COL6A6: variants seen among roughly 807,000 people sequenced by gnomAD.
COL6A6 encodes the protein collagen alpha-6(VI) chain.
Under a neutral mutation model 208.6 loss-of-function variants are expected in COL6A6, and 183 were observed. That is an observed-to-expected ratio of 0.88 (90% CI 0.78 to 0.99). The LOEUF is 0.99. COL6A6 is among the 50% of genes least tolerant of loss of function. COL6A6 has a pLI of 0.00. For synonymous variants in COL6A6, 973 were observed against 1,011.8 expected (o/e 0.96, Z 0.73); for missense variants, 2,816 against 2,815.2 (o/e 1.00, Z -0.01).
chr3:130,656,869 G>A (rs2065804493), intron 33 of COL6A6, among the ~76,000 whole-genome samples: 1 of 152,264 alleles, frequency 6.6e-6, no homozygotes, highest in African/African-American at 2.4e-5. Flanking sequence ...TGGCCGGGTT[G>A]CAACAGTGCC....
chr3:130,602,743 A>G (rs917879331), intron 20 of COL6A6, among the ~76,000 whole-genome samples: 1 of 152,240 alleles, frequency 6.6e-6, no homozygotes, highest in Non-Finnish European at 1.5e-5. Context: ...TTGCTTTTTA[A>G]TAAAACACTA....
chr3:130,556,281 G>A (rs184538902), intron 1 of COL6A6, among the ~76,000 whole-genome samples: 26 of 152,286 alleles, frequency 1.7e-4, no homozygotes, highest in Non-Finnish European at 3.5e-4. Flanking sequence ...ATCTTCATGA[G>A]TGAAATGGGC....
intron 11 of COL6A6, among the ~76,000 whole-genome samples, chr3:130,587,055 G>A (rs188894450): frequency 2.0e-5 from 3 of 152,252 alleles, no homozygotes; most frequent in South Asian, 2.1e-4. Flanking sequence ...ACAGCTTTCC[G>A]TACTGAGTGT....
chr3:130,667,980 T>TA (rs1254896690), intron 36 of COL6A6, among the ~76,000 whole-genome samples: 6 of 147,744 alleles, frequency 4.1e-5, no homozygotes, highest in African/African-American at 1.2e-4. Flanking sequence ...GAAAATAGGA[T>TA]AAAAAAACAA....
chr3:130,624,149 A>G (rs2064818222), intron 24 of COL6A6, among the ~76,000 whole-genome samples: 2 of 152,206 alleles, frequency 1.3e-5, no homozygotes, highest in Non-Finnish European at 2.9e-5. Context: ...TTAACTACTC[A>G]TACTGGCAAG....
At position 130,641,674 on chromosome 3, in the gene COL6A6, A is replaced by C. The variant is rs773487370; in HGVS notation, c.5114A>C (p.Glu1705Ala). The change falls in exon 29 of 37, where the codon GAG becomes GCG. Residue 1705 changes from glutamate (E) to alanine (A), a missense_variant. By Grantham distance (107) the Glu-to-Ala change is moderately radical. Transcript: ENST00000358511. ...GKMISAGLPG[E>A]MGSPGEPGPP... is the part of the protein sequence containing the mutation. ...GAGATATCTGCTGGGCTTCCAGGAG[A>C]GATGGGATCCCCTGGGGAACCAGGA... 1 of 1,599,520 alleles carries C rather than the reference A, an allele frequency of 6.3e-7. No individual in the cohort carries two copies.
chr3:130,588,287 C>T (rs932612587), intron 11 of COL6A6, among the ~76,000 whole-genome samples: 8 of 152,110 alleles, frequency 5.3e-5, no homozygotes, highest in African/African-American at 1.9e-4. Flanking sequence ...GGAAACTTCA[C>T]AATACAAAGA....
intron 25 of COL6A6, among the ~76,000 whole-genome samples, 178 bp from the exon 26 acceptor site, chr3:130,627,135 TCTGTTA>T (rs1408069597): frequency 6.6e-6 from 1 of 152,222 alleles, no homozygotes; most frequent in East Asian, 1.9e-4. Context: ...ATTGTCTGTA[TCTGTTA>T]CTAACAATTG....
At position 130,517,280 on chromosome 3, in the gene COL6A6, G is replaced by C. The variant is rs1710787074; in HGVS notation, c.-149G>C. 1.3e-5 allele frequency among the ~76,000 whole-genome samples: 2 copies of C among 152,188 alleles called. No homozygotes were observed. The stretch of plus-strand genomic sequence containing the variant: ...TCCACCGTCTCCCCGCGCGCCGCAG[G>C]CGGCACCAAACTCTGCGCTCCCCGC... On this transcript the variant is annotated 5_prime_UTR_variant, in exon 1 of 37. Coordinates refer to ENST00000358511, the MANE Select transcript of COL6A6 (RefSeq NM_001102608.3).
Position 130,658,700 on chromosome 3 carries a change from G to A in COL6A6, c.5758G>A (p.Val1920Ile). ...GATTGACGACACTGGCACATTTCAA[G>A]TAATAGTGGTTCCCTCCGGGGCCGA... ...FAIDDTGTFQ[V>I]IVVPSGADYI... The change falls in exon 34 of 37, where the codon GTA becomes ATA. Residue 1920 changes from valine to isoleucine, a missense_variant. By Grantham distance (29) the Val-to-Ile change is conservative. Coordinates refer to ENST00000358511, the MANE Select transcript of COL6A6 (RefSeq NM_001102608.3). 6.2e-7 allele frequency: 1 copy of A among 1,612,960 alleles called. No homozygotes were observed. The highest frequency in any genetic ancestry group is 2.2e-5 in the East Asian group (1 of 44,872).
intron 32 of COL6A6, among the ~76,000 whole-genome samples, chr3:130,648,082 TATC>T (rs1454896177): frequency 1.3e-5 from 2 of 152,214 alleles, no homozygotes; most frequent in Non-Finnish European, 2.9e-5. Context: ...AAAAATAAGT[TATC>T]AACTGTGACA....
At chr3:130,528,197 T>C (rs544282306) in intron 1 of COL6A6, among the ~76,000 whole-genome samples, 251 of 152,218 alleles carry the variant, frequency 1.6e-3, no homozygotes, top group Middle Eastern at 6.8e-3. Flanking sequence ...CAATGAAGAC[T>C]TGGAGACGAG....
chr3:130,607,672 A>G (rs2064225180), intron 21 of COL6A6, among the ~76,000 whole-genome samples: 1 of 152,210 alleles, frequency 6.6e-6, no homozygotes, highest in Admixed American at 6.5e-5. Flanking sequence ...TTCAGCAGTA[A>G]TACATGCCAG....
intron 20 of COL6A6, among the ~76,000 whole-genome samples, chr3:130,606,596 A>T (rs2064189698): frequency 6.6e-6 from 1 of 152,250 alleles, no homozygotes. Flanking sequence ...TAAAATTCAA[A>T]TAAGTCAATT....
chr3:130,571,291 A>G lies in COL6A6; in HGVS notation c.2875A>G (p.Met959Val), dbSNP rs760063363. 1.9e-6 allele frequency: 3 copies of G among 1,614,030 alleles called. No homozygotes were observed. Among genetic ancestry groups the G allele is most frequent in the East Asian group, 4.5e-5 (2 of 44,886 alleles). Residue 959 changes from methionine to valine, a missense_variant, in exon 7 of 37, where the codon ATG (methionine) becomes GTG (valine). Coordinates refer to ENST00000358511, the MANE Select transcript of COL6A6 (RefSeq NM_001102608.3). ...DGANPVELLA[M>V]AGSSDKYFFV... is the part of the protein sequence containing the mutation. ...TGCCAATCCCGTGGAGCTGTTAGCC[A>G]TGGCAGGATCAAGCGACAAGTACTT...
rs529139595 is a variant in COL6A6, at chr3:130,521,376, T to C, written c.-32+3979T>C. Among the ~76,000 whole-genome samples the C allele has an allele frequency of 2.0e-5, 3 of 152,368 alleles. No individual in the cohort carries two copies. The East Asian group carries it at 5.8e-4, about 29-fold the overall frequency. Reference sequence around the variant, plus strand: ...ACAGTCATATTTGGCTATTACTGTTTGTTATAAAACAATACCACAGTATGT... The same window carrying C: ...ACAGTCATATTTGGCTATTACTGTTCGTTATAAAACAATACCACAGTATGT... On this transcript the variant is annotated intron_variant, in intron 1 of 36. Coordinates refer to ENST00000358511, the MANE Select transcript of COL6A6 (RefSeq NM_001102608.3).
chr3:130,613,885 A>G (rs2064432971), intron 23 of COL6A6, among the ~76,000 whole-genome samples: 1 of 152,166 alleles, frequency 6.6e-6, no homozygotes, highest in Non-Finnish European at 1.5e-5. Context: ...AACTTTGCTA[A>G]AGTTGTTTAT....
chr3:130,636,402 C>A (rs1418675286), intron 28 of COL6A6, among the ~76,000 whole-genome samples: 2 of 152,136 alleles, frequency 1.3e-5, no homozygotes, highest in East Asian at 3.9e-4. Context: ...TGCTGACTCT[C>A]TATATATCTT....
rs2063229169 is a variant in COL6A6, at chr3:130,573,946, T to C, written c.2978-10T>C. 6.4e-7 allele frequency: 1 copy of C among 1,572,424 alleles called. No individual in the cohort carries two copies. Among genetic ancestry groups the C allele is most frequent in the Non-Finnish European group, 8.7e-7 (1 of 1,144,500 alleles). On this transcript the variant is annotated splice_polypyrimidine_tract_variant and intron_variant, in intron 7 of 36. Transcript: ENST00000358511. Reference sequence around the variant, plus strand: ...TCTGGGTTTTCTGTTGTTCCTTCTCTTCTTTGTAGATTGTGAAATTGACAA... The same window carrying C: ...TCTGGGTTTTCTGTTGTTCCTTCTCCTCTTTGTAGATTGTGAAATTGACAA...
Sources: gnomAD v4.1 joint callset for allele counts (sites outside exome capture counted in the v4.1 genomes callset) on GRCh38, gnomAD v4.1.1 for gene constraint, MANE v1.5 for transcripts, NCBI Gene and HGNC (gene_info 2026-07-23, HGNC 2026-07-21) for gene names.